Variants in PLCH2 observed in about 807,000 individuals in gnomAD.
The protein encoded by PLCH2 is 1-phosphatidylinositol 4,5-bisphosphate phosphodiesterase eta-2.
PLCH2 carries 98 observed loss-of-function variants against 134.7 expected under a neutral mutation model. That is an observed-to-expected ratio of 0.73 (90% CI 0.62 to 0.86). The LOEUF (loss-of-function observed/expected upper bound fraction) is 0.86, where lower values mean the gene tolerates loss of function less well. Ranked by LOEUF, PLCH2 falls within the 40% of genes least tolerant of loss-of-function variation. The probability of loss-of-function intolerance (pLI) is 0.00; values close to 1 mark genes in which losing one functional copy is unlikely to be tolerated. For missense variants in PLCH2, 1,994 were observed against 1,986.6 expected (o/e 1.00, Z -0.07); for synonymous variants, 974 against 827.5 (o/e 1.18, Z -3.04).
At chr1:2,473,271 C>T (rs1356357696), upstream of PLCH2, among the ~76,000 whole-genome samples, 1 of 152,192 alleles carries the variant, frequency 6.6e-6, no homozygotes, top group Non-Finnish European at 1.5e-5. Context: ...AGGCCCAGGA[C>T]CCCTGCTTCC....
At chr1:2,437,256 G>T (rs1639467765) in intron 2 of PLCH2, among the ~76,000 whole-genome samples, 1 of 152,160 alleles carries the variant, frequency 6.6e-6, no homozygotes, top group Non-Finnish European at 1.5e-5. Context: ...TTGGTGGGCT[G>T]CGAGCCCCTC....
upstream of PLCH2, among the ~76,000 whole-genome samples, chr1:2,424,000 A>G (rs1391333504): frequency 4.6e-5 from 7 of 152,176 alleles, no homozygotes; most frequent in Non-Finnish European, 1.0e-4. Context: ...CCTGTCTTCA[A>G]GTGGTGCTCC....
Position 2,496,600 on chromosome 1 carries a change from G to A in PLCH2, c.1836-7G>A, listed in dbSNP as rs376591308. The A allele has an allele frequency of 9.8e-4, 1,568 of 1,607,578 alleles. No individual in the cohort carries two copies. Among genetic ancestry groups the A allele is most frequent in the Non-Finnish European group, 1.2e-3 (1,392 of 1,177,514 alleles). ...GGAGGGGTTCTGACCCCCTGCACCT[G>A]CCACAGGGCGACCCGGCAGAAGAAG... is the stretch of plus-strand genomic sequence containing the variant. On this transcript the variant is annotated splice_region_variant and splice_polypyrimidine_tract_variant and intron_variant, in intron 13 of 21. Coordinates refer to ENST00000378486, the MANE Select transcript of PLCH2 (RefSeq NM_014638.4).
At chr1:2,486,208 C>G (rs1040645030) in intron 5 of PLCH2, among the ~76,000 whole-genome samples, 1 of 152,208 alleles carries the variant, frequency 6.6e-6, no homozygotes, top group Non-Finnish European at 1.5e-5. Flanking sequence ...TTGCCCCAAG[C>G]CTTGTGGAAC....
the PLCH2 span, among the ~76,000 whole-genome samples, chr1:2,418,586 C>T: frequency 1.3e-5 from 2 of 152,226 alleles, no homozygotes; most frequent in African/African-American, 4.8e-5. Flanking sequence ...CTGAACCTGG[C>T]ATTTGATGCC....
At chr1:2,480,011 C>A in intron 3 of PLCH2, 34 bp downstream of exon 3, 1 of 1,594,264 alleles carries the variant, frequency 6.3e-7, no homozygotes, top group Non-Finnish European at 8.6e-7. Flanking sequence ...AATGCAGACC[C>A]AGGGACCGGC....
At position 2,498,389 on chromosome 1, in the gene PLCH2, T is replaced by G; in HGVS notation, c.2225-134T>G. 1 of 999,850 alleles carries G rather than the reference T, an allele frequency of 1.0e-6. No homozygotes were observed. The highest frequency in any genetic ancestry group is 1.4e-6 in the Non-Finnish European group (1 of 690,626). 61.9% of individuals were successfully genotyped at this position (999,850 alleles called of 1,614,324 possible). A position where few individuals can be genotyped will look rare whatever the true frequency, so the allele number is the denominator to read the frequency against. On this transcript the variant is annotated intron_variant, in intron 16 of 21. Transcript: ENST00000378486. The surrounding 1 kb of genome is among the most constrained non-coding windows in gnomAD (Gnocchi z 5.4). ...CGAGGTGCCCCCCTGGACCACTGCC[T>G]CCCTCCCTCCCCCTGGCACCGGCTC... is the stretch of plus-strand genomic sequence containing the variant.
intron 18 of PLCH2, 58 bp from the exon 19 acceptor site, chr1:2,499,026 G>A: frequency 1.3e-6 from 2 of 1,563,062 alleles, no homozygotes; most frequent in South Asian, 2.3e-5. Flanking sequence ...CTCCAGGCTG[G>A]AGCGGTGCTG....
chr1:2,419,315 C>T, the PLCH2 span, among the ~76,000 whole-genome samples: 1 of 152,246 alleles, frequency 6.6e-6, no homozygotes, highest in Non-Finnish European at 1.5e-5. Context: ...CCCCTTCCCT[C>T]AGCACCCCTG....
At chr1:2,476,847 G>C in intron 1 of PLCH2, 135 bp downstream of exon 1, 2 of 942,658 alleles carry the variant, frequency 2.1e-6, no homozygotes, top group Non-Finnish European at 3.0e-6. Context: ...TGTCCCCCGG[G>C]TGCTCTAGGG....
At position 2,479,744 on chromosome 1, in the gene PLCH2, C is replaced by T. The variant is rs1234675214; in HGVS notation, c.282C>T (p.Asp94=). ...RKNEKAKISI[D]SIQEVSEGRQ... is the part of the protein sequence containing the mutation. ...CTCCCCACCCCGCAGTCTCCATCGA[C>T]TCCATCCAGGAGGTGAGTGAGGGGC... The change falls in exon 3 of 22, where the codon GAC becomes GAT. Residue 94 remains aspartate, a synonymous_variant. Transcript: ENST00000378486. 6.5e-7 allele frequency: 1 copy of T among 1,542,060 alleles called. No homozygotes were observed.
At chr1:2,452,986 G>A (rs1296573667) in intron 2 of PLCH2, among the ~76,000 whole-genome samples, 1 of 152,158 alleles carries the variant, frequency 6.6e-6, no homozygotes, top group Admixed American at 6.5e-5. Context: ...TCCATTCCCG[G>A]TGGGGGCGCC....
intron 2 of PLCH2, among the ~76,000 whole-genome samples, chr1:2,435,658 G>A (rs535724064): frequency 1.3e-5 from 2 of 152,090 alleles, no homozygotes; most frequent in African/African-American, 2.4e-5. Flanking sequence ...CCCACAGCAC[G>A]CCTGGCCTGT....
chr1:2,481,548 A>G (rs1348491650), intron 4 of PLCH2, among the ~76,000 whole-genome samples: 1 of 152,254 alleles, frequency 6.6e-6, no homozygotes, highest in Non-Finnish European at 1.5e-5. Flanking sequence ...GGGAGGAGAC[A>G]GATGCCCCTC....
chr1:2,492,093 G>A (rs1240742683), intron 11 of PLCH2, among the ~76,000 whole-genome samples: 3 of 152,234 alleles, frequency 2.0e-5, no homozygotes, highest in African/African-American at 7.2e-5. Context: ...CTGTGGCACC[G>A]GCTCGTTCTG....
At chr1:2,442,935 G>A (rs60869548) in intron 2 of PLCH2, among the ~76,000 whole-genome samples, 6,964 of 152,288 alleles carry the variant, frequency 0.046, 567 homozygotes, top group African/African-American at 0.16. Flanking sequence ...GCAGCAGAGC[G>A]GGGAACCGAC....
chr1:2,487,840 G>A, intron 8 of PLCH2, 122 bp downstream of exon 8: 2 of 964,240 alleles, frequency 2.1e-6, no homozygotes, highest in Non-Finnish European at 1.5e-6. Context: ...GGTGACCAGG[G>A]GGCTGGTTTC....
At chr1:2,489,915 C>A in intron 10 of PLCH2, 48 bp downstream of exon 10, 1 of 1,296,908 alleles carries the variant, frequency 7.7e-7, no homozygotes, top group Non-Finnish European at 1.1e-6. Context: ...CTGCAGTTCC[C>A]AAGAACAGCT....
rs77056445 is a variant in PLCH2 at position 2,454,175 on chromosome 1, G to C, written c.115+23546G>C. The stretch of plus-strand genomic sequence containing the variant: ...CCCCGGGGCATGTCCTGGCTCACCT[G>C]GCTGAGCTCCTAGGGCAGGAACTGC... On this transcript the variant is annotated intron_variant, in intron 2 of 3. Transcript: ENST00000609981. Among the ~76,000 whole-genome samples the C allele has an allele frequency of 2.8e-3, 425 of 152,308 alleles. 2 individuals are homozygous for C. The highest frequency in any genetic ancestry group is 9.9e-3 in the African/African-American group (411 of 41,572).
Sources: allele counts gnomAD v4.1 joint callset (sites outside exome capture counted in the v4.1 genomes callset), GRCh38; gene constraint gnomAD v4.1.1; non-coding constraint Gnocchi (gnomAD v3.1); transcripts MANE v1.5; gene names NCBI Gene and HGNC (gene_info 2026-07-23, HGNC 2026-07-21).